CRYBB1: variants seen among roughly 807,000 people sequenced by gnomAD.
CRYBB1 encodes the protein crystallin beta B1, also known as beta-crystallin B1.
In CRYBB1, 16 loss-of-function variants were observed where a neutral mutation model predicts 29.5. That is an observed-to-expected ratio of 0.54 (90% confidence interval 0.37 to 0.82). CRYBB1 has a LOEUF of 0.82. CRYBB1 is among the 40% of genes least tolerant of loss of function. The pLI, the probability that CRYBB1 is intolerant of heterozygous loss-of-function variation, is 0.00. For synonymous variants in CRYBB1, 127 were observed against 136.7 expected (o/e 0.93, Z 0.49); for missense variants, 300 against 350.5 (o/e 0.86, Z 1.15).
chr22:26,610,368 C>A (rs373706254), intron 3 of CRYBB1, among the ~76,000 whole-genome samples: 1 of 152,158 alleles, frequency 6.6e-6, no homozygotes, highest in Non-Finnish European at 1.5e-5. Context: ...GCCCTGCCAG[C>A]GCCCACACAG....
At chr22:26,614,119 A>G (rs1929266664) in intron 2 of CRYBB1, among the ~76,000 whole-genome samples, 1 of 152,312 alleles carries the variant, frequency 6.6e-6, no homozygotes, top group Non-Finnish European at 1.5e-5. Flanking sequence ...AATGGTGCCC[A>G]AAACTTCATT....
chr22:26,613,720 A>C lies in CRYBB1; in HGVS notation c.181-1530T>G, dbSNP rs147816531. ...ATTGTACAGCATGTGTGTTTGAGCA[A>C]TATGAAATGTGGGCACCTTAAAAAA... On this transcript the variant is annotated intron_variant, in intron 2 of 5. Transcript: ENST00000647684. Among the ~76,000 whole-genome samples, 352 of 152,340 alleles carry C rather than the reference A, an allele frequency of 2.3e-3. 1 individual carries two copies. The highest frequency in any genetic ancestry group is 8.1e-3 in the African/African-American group (335 of 41,574).
intron 4 of CRYBB1, among the ~76,000 whole-genome samples, chr22:26,605,063 T>G (rs1928934142): frequency 6.6e-6 from 1 of 152,200 alleles, no homozygotes; most frequent in South Asian, 2.1e-4. Context: ...TTGCACACAC[T>G]GTTCCCTGGA....
intron 4 of CRYBB1, among the ~76,000 whole-genome samples, chr22:26,606,093 G>C (rs1319522850): frequency 6.6e-6 from 1 of 152,168 alleles, no homozygotes; most frequent in Non-Finnish European, 1.5e-5. Context: ...AATTCTTCCA[G>C]CGTGGGCCAG....
At chr22:26,603,668 G>A (rs901711205) in intron 4 of CRYBB1, among the ~76,000 whole-genome samples, 5 of 152,040 alleles carry the variant, frequency 3.3e-5, no homozygotes, top group African/African-American at 1.2e-4. Context: ...ACTTTAGGAG[G>A]CCAAGATGGG....
chr22:26,610,898 G>C (rs1929135101), intron 3 of CRYBB1, among the ~76,000 whole-genome samples: 1 of 152,168 alleles, frequency 6.6e-6, no homozygotes, highest in Non-Finnish European at 1.5e-5. Flanking sequence ...GCTCATCTCG[G>C]AATGGGCTCA....
intron 2 of CRYBB1, 40 bp downstream of exon 2, chr22:26,616,100 G>A: frequency 6.5e-7 from 1 of 1,529,272 alleles, no homozygotes; most frequent in Non-Finnish European, 9.1e-7. Flanking sequence ...AGGAAGGAAA[G>A]AAGGCATGGC....
chr22:26,613,163 T>G (rs1225709670), intron 2 of CRYBB1, among the ~76,000 whole-genome samples: 2 of 152,220 alleles, frequency 1.3e-5, no homozygotes, highest in African/African-American at 2.4e-5. Flanking sequence ...GGGGAAAACT[T>G]GAGCTAATCT....
chr22:26,599,780 C>T (rs1358432624), intron 5 of CRYBB1, 107 bp from the exon 6 acceptor site: 2 of 866,022 alleles, frequency 2.3e-6, no homozygotes, highest in South Asian at 1.4e-5. Flanking sequence ...CAGTCGGCTG[C>T]TCTCTCACTT....
intron 1 of CRYBB1, among the ~76,000 whole-genome samples, 160 bp downstream of exon 1, chr22:26,617,811 CCCCTCT>C (rs1455865307): frequency 6.6e-6 from 1 of 151,892 alleles, no homozygotes. Context: ...CTCACTCTCT[CCCCTCT>C]CCCTCTCCCT....
At chr22:26,613,065 C>T (rs1198644079) in intron 2 of CRYBB1, among the ~76,000 whole-genome samples, 2 of 152,202 alleles carry the variant, frequency 1.3e-5, no homozygotes, top group Non-Finnish European at 2.9e-5. Context: ...TGAGGTTGAT[C>T]AATTTCTGTA....
intron 3 of CRYBB1, among the ~76,000 whole-genome samples, chr22:26,610,631 A>G (rs771126492): frequency 2.6e-5 from 4 of 152,174 alleles, no homozygotes; most frequent in Non-Finnish European, 4.4e-5. Context: ...GGTCCCGGGT[A>G]GCCTCCAGGA....
At chr22:26,617,411 G>A (rs747141698) in intron 1 of CRYBB1, among the ~76,000 whole-genome samples, 1 of 152,162 alleles carries the variant, frequency 6.6e-6, no homozygotes, top group Non-Finnish European at 1.5e-5. Flanking sequence ...GAGCTAGTTG[G>A]GATAAGCACA....
At position 26,616,225 on chromosome 22, in the gene CRYBB1, G is replaced by T; in HGVS notation, c.95C>A (p.Ser32Tyr). 6.2e-7 allele frequency: 1 copy of T among 1,614,076 alleles called. No individual in the cohort carries two copies. Among genetic ancestry groups the T allele is most frequent in the Non-Finnish European group, 8.5e-7 (1 of 1,179,898 alleles). ...GGCCAGGGTAGTGCCGGGACTAGGG[G>T]ATGTTCCTGCAGGTGGGGCCCCCTT... Reference protein sequence around the residue: ...KGKGAPPAGTSPSPGTTLAPT... With the variant: ...KGKGAPPAGTYPSPGTTLAPT... Residue 32 changes from serine (S) to tyrosine (Y), a missense_variant, in exon 2 of 6, where the codon TCC (serine) becomes TAC (tyrosine). Transcript: ENST00000647684.
At chr22:26,614,815 G>C (rs1929293451) in intron 2 of CRYBB1, among the ~76,000 whole-genome samples, 1 of 151,996 alleles carries the variant, frequency 6.6e-6, no homozygotes, top group African/African-American at 2.4e-5. Flanking sequence ...TCATAATTCG[G>C]TCTCAAAATA....
In CRYBB1 at chr22:26,600,926, C is replaced by T. The variant is rs567249955; in HGVS notation, c.575+953G>A. ...TTCTTTACCTAGTATTGTTGGACAC[C>T]ATCTCACAGGTATATCTGGGTTTCC... On this transcript the variant is annotated intron_variant, in intron 5 of 5. Coordinates refer to ENST00000647684, the MANE Select transcript of CRYBB1 (RefSeq NM_001887.4). 2.0e-5 allele frequency among the ~76,000 whole-genome samples: 3 copies of T among 152,340 alleles called. No individual in the cohort carries two copies. The East Asian group carries it at 5.8e-4, about 29-fold the overall frequency.
chr22:26,600,032 C>T (rs1928772494), intron 5 of CRYBB1, among the ~76,000 whole-genome samples: 1 of 152,088 alleles, frequency 6.6e-6, no homozygotes, highest in Non-Finnish European at 1.5e-5. Flanking sequence ...GAGAACAAAT[C>T]CAAGGAAGCA....
rs1267243243 is a variant in CRYBB1, at chr22:26,600,002, AC to A, written c.576-330del. Among the ~76,000 whole-genome samples, 2 of 152,226 alleles carry A rather than the reference AC, an allele frequency of 1.3e-5. 1 individual carries two copies. Among genetic ancestry groups the A allele is most frequent in the Non-Finnish European group, 2.9e-5 (2 of 68,038 alleles). ...GGAATATGAATACACATCCCATTAA[AC>A]GTGATGATGCAGGGCTCAGAGAACA... On this transcript the variant is annotated intron_variant, in intron 5 of 5. Coordinates refer to ENST00000647684, the MANE Select transcript of CRYBB1 (RefSeq NM_001887.4).
rs755484354 is a variant in CRYBB1, at chr22:26,612,185, C to T, written c.186G>A (p.Val62=). ...CCTGGAAGTTTTCCAGTTCGAAGAC[C>T]ACCAGCTGCAGGAGAGAAGCCCCCA... is the stretch of plus-strand genomic sequence containing the variant. ...AELPPGNYRL[V]VFELENFQGR... The change falls in exon 3 of 6, where the codon GTG becomes GTA. Residue 62 remains valine (V), a synonymous_variant. Coordinates refer to ENST00000647684, the MANE Select transcript of CRYBB1 (RefSeq NM_001887.4). The T allele has an allele frequency of 6.2e-7, 1 of 1,612,126 alleles. No individual in the cohort carries two copies. The highest frequency in any genetic ancestry group is 1.3e-5 in the African/African-American group (1 of 74,870).
Sources: gnomAD v4.1 joint callset for allele counts (sites outside exome capture counted in the v4.1 genomes callset) on GRCh38, gnomAD v4.1.1 for gene constraint, MANE v1.5 for transcripts, NCBI Gene and HGNC (gene_info 2026-07-23, HGNC 2026-07-21) for gene names.